The following SPON1 variants were observed in gnomAD, a reference collection of about 807,000 sequenced individuals.
SPON1 encodes the protein spondin-1.
SPON1 carries 52 observed loss-of-function variants against 111.7 expected under a neutral mutation model. The observed-to-expected ratio is 0.47, with a 90% CI of 0.37 to 0.59. The LOEUF is 0.59. SPON1 is among the 20% of genes least tolerant of loss of function. SPON1 has a pLI of 0.00. For synonymous variants in SPON1, 410 were observed against 395.8 expected (o/e 1.04, Z -0.43); for missense variants, 957 against 1,068.5 (o/e 0.90, Z 1.46).
chr11:14,054,236 G>A (rs1480287470), intron 3 of SPON1, among the ~76,000 whole-genome samples: 1 of 152,174 alleles, frequency 6.6e-6, no homozygotes, highest in Non-Finnish European at 1.5e-5. Flanking sequence ...GCTCCTTTAT[G>A]TCTTAGTTCT....
At chr11:14,027,581 A>G (rs977053089) in intron 2 of SPON1, among the ~76,000 whole-genome samples, 1 of 152,208 alleles carries the variant, frequency 6.6e-6, no homozygotes, top group East Asian at 1.9e-4. Flanking sequence ...GCTAAATGAA[A>G]TCAAACCATT....
At chr11:14,153,923 C>T (rs1315816051) in intron 6 of SPON1, among the ~76,000 whole-genome samples, 1 of 152,186 alleles carries the variant, frequency 6.6e-6, no homozygotes, top group African/African-American at 2.4e-5. Context: ...AGTTTGAAAC[C>T]CAACAGGGCA....
intron 1 of SPON1, among the ~76,000 whole-genome samples, chr11:13,968,632 T>G (rs1554908289): frequency 6.6e-6 from 1 of 152,224 alleles, no homozygotes; most frequent in African/African-American, 2.4e-5. Flanking sequence ...TTGAGCTTAT[T>G]TCTACTAAAC....
chr11:14,168,253 T>C (rs1848054373), intron 6 of SPON1, among the ~76,000 whole-genome samples: 1 of 152,222 alleles, frequency 6.6e-6, no homozygotes, highest in African/African-American at 2.4e-5. Context: ...ATATCTGACC[T>C]TAATTTAGAC....
At chr11:14,192,377 A>G (rs374107557) in intron 6 of SPON1, among the ~76,000 whole-genome samples, 1 of 152,276 alleles carries the variant, frequency 6.6e-6, no homozygotes, top group African/African-American at 2.4e-5. Context: ...TGCTCCATAA[A>G]TATTTGTTGA....
At chr11:13,981,310 C>T (rs2133780379) in intron 1 of SPON1, among the ~76,000 whole-genome samples, 1 of 152,216 alleles carries the variant, frequency 6.6e-6, no homozygotes, top group Non-Finnish European at 1.5e-5. Context: ...GATCCTTGAG[C>T]TAGATTTTTT....
chr11:14,241,987 C>T (rs1208217098), intron 6 of SPON1, among the ~76,000 whole-genome samples: 1 of 152,078 alleles, frequency 6.6e-6, no homozygotes, highest in African/African-American at 2.4e-5. Flanking sequence ...CGCCGCTGCC[C>T]TGTCCTTGTG....
chr11:14,216,144 A>T (rs1264554740), intron 6 of SPON1, among the ~76,000 whole-genome samples: 3 of 152,220 alleles, frequency 2.0e-5, no homozygotes, highest in Non-Finnish European at 1.5e-5. Flanking sequence ...TTCTCCTCTT[A>T]ATATCTTTGG....
intron 6 of SPON1, among the ~76,000 whole-genome samples, chr11:14,151,120 G>A (rs928586137): frequency 1.4e-4 from 22 of 152,294 alleles, no homozygotes; most frequent in Admixed American, 8.5e-4. Flanking sequence ...AGCCATATGC[G>A]AATGCATTGT....
chr11:14,146,749 G>T (rs190479277), intron 6 of SPON1, among the ~76,000 whole-genome samples: 66 of 152,198 alleles, frequency 4.3e-4, no homozygotes, highest in Admixed American at 1.2e-3. Flanking sequence ...GCTAGAGAGT[G>T]AATACACAGA....
At chr11:14,217,349 T>C (rs1379250837) in intron 6 of SPON1, among the ~76,000 whole-genome samples, 1 of 152,146 alleles carries the variant, frequency 6.6e-6, no homozygotes, top group Non-Finnish European at 1.5e-5. Context: ...TGTGTTCTAT[T>C]ACGTAAAGAA....
intron 1 of SPON1, among the ~76,000 whole-genome samples, chr11:13,963,532 T>A (rs1367214288): frequency 6.6e-6 from 1 of 152,130 alleles, no homozygotes; most frequent in Admixed American, 6.5e-5. Context: ...CTTCTCTTGG[T>A]CGGGTCCCGG....
rs782464949 is a variant in SPON1 at position 14,262,731 on chromosome 11, C to T, written c.2016C>T (p.Thr672=). ...LPECPIDCEL[T]EWSQWSECNK... The stretch of plus-strand genomic sequence containing the variant: ...TGCCAGCCATTGACTGTGAGCTCAC[C>T]GAGTGGTCCCAGTGGTCGGAATGTA... The change falls in exon 15 of 16, where the codon ACC becomes ACT. Residue 672 remains threonine (T), a synonymous_variant. Coordinates refer to ENST00000576479, the MANE Select transcript of SPON1 (RefSeq NM_006108.4). The T allele has an allele frequency of 3.3e-5, 53 of 1,613,708 alleles. No individual in the cohort carries two copies. In the African/African-American group the frequency reaches 3.5e-4, roughly 11 times the overall value.
Position 14,262,780 on chromosome 11 carries a change from G to C in SPON1, c.2065G>C (p.Val689Leu). 1.9e-6 allele frequency: 3 copies of C among 1,613,960 alleles called. No individual in the cohort carries two copies. The South Asian group carries it at 3.3e-5, about 18-fold the overall frequency. Residue 689 changes from valine (V) to leucine (L), a missense_variant, in exon 15 of 16, where the codon GTG becomes CTG. Val to Leu is a conservative substitution (Grantham distance 32, BLOSUM62 1). Coordinates refer to ENST00000576479, the MANE Select transcript of SPON1 (RefSeq NM_006108.4). ...ECNKSCGKGH[V>L]IRTRMIQMEP... The stretch of plus-strand genomic sequence containing the variant: ...TAACAAGTCATGTGGGAAAGGCCAC[G>C]TGATTCGAACCCGGATGATCCAAAT...
intron 6 of SPON1, among the ~76,000 whole-genome samples, chr11:14,202,875 G>A (rs1554935796): frequency 2.6e-5 from 4 of 152,128 alleles, no homozygotes; most frequent in African/African-American, 9.7e-5. Flanking sequence ...AAGCAGAGGT[G>A]CTGGCCCTGT....
intron 5 of SPON1, among the ~76,000 whole-genome samples, chr11:14,086,554 T>G (rs1414703918): frequency 5.9e-5 from 9 of 152,200 alleles, no homozygotes; most frequent in Non-Finnish European, 1.3e-4. Flanking sequence ...TTGCCGGTAT[T>G]TTATTGAGGA....
chr11:14,003,697 G>A (rs1229978451), intron 2 of SPON1, among the ~76,000 whole-genome samples: 1 of 152,124 alleles, frequency 6.6e-6, no homozygotes, highest in Non-Finnish European at 1.5e-5. Context: ...ATAATGTTAT[G>A]TATAGATAGT....
At chr11:14,020,520 A>G (rs543691369) in intron 2 of SPON1, among the ~76,000 whole-genome samples, 48 of 152,364 alleles carry the variant, frequency 3.2e-4, no homozygotes, top group South Asian at 4.1e-4. Context: ...GTGTGCCAAA[A>G]TTTAAAATGC....
chr11:14,181,403 C>T (rs1554933682), intron 6 of SPON1, among the ~76,000 whole-genome samples: 1 of 152,214 alleles, frequency 6.6e-6, no homozygotes, highest in Admixed American at 6.5e-5. Context: ...CAGTATCAGG[C>T]AGCATCCATC....
Sources: allele counts gnomAD v4.1 joint callset (sites outside exome capture counted in the v4.1 genomes callset), GRCh38; gene constraint gnomAD v4.1.1; transcripts MANE v1.5; gene names NCBI Gene and HGNC (gene_info 2026-07-23, HGNC 2026-07-21).